QTMAN: variants seen among roughly 807,000 people sequenced by gnomAD.
QTMAN encodes the protein queuosine-tRNA mannosyltransferase.
chr2:144,022,550 C>A, the QTMAN span, among the ~76,000 whole-genome samples: 2 of 145,442 alleles, frequency 1.4e-5, no homozygotes, highest in Non-Finnish European at 3.0e-5. Context: ...CTATCTCTCT[C>A]TCTCTCTCTC....
the QTMAN span, chr2:143,938,133 G>C: frequency 0.012 from 1,818 of 152,292 alleles, 18 homozygotes; most frequent in Non-Finnish European, 0.02. Flanking sequence ...AAATACAAGG[G>C]GAAAAGCCAA....
At chr2:144,195,640 G>A in the QTMAN span, among the ~76,000 whole-genome samples, 1 of 152,162 alleles carries the variant, frequency 6.6e-6, no homozygotes, top group African/African-American at 2.4e-5. Context: ...GTATGTGTAC[G>A]TATGTGCATT....
At chr2:144,188,820 A>C in the QTMAN span, among the ~76,000 whole-genome samples, 1 of 152,212 alleles carries the variant, frequency 6.6e-6, no homozygotes, top group East Asian at 1.9e-4. Context: ...AATGAAAATT[A>C]CTAATATAAA....
chr2:144,322,685 T>C, the QTMAN span, among the ~76,000 whole-genome samples: 6 of 152,336 alleles, frequency 3.9e-5, no homozygotes, highest in African/African-American at 1.4e-4. Context: ...ATGTTCTTTT[T>C]TGATACTACA....
chr2:144,046,747 GTC>G, the QTMAN span, among the ~76,000 whole-genome samples: 1 of 152,078 alleles, frequency 6.6e-6, no homozygotes, highest in African/African-American at 2.4e-5. Flanking sequence ...TGTCATTGTT[GTC>G]TCTTTACATT....
the QTMAN span, among the ~76,000 whole-genome samples, chr2:144,018,989 G>C: frequency 6.6e-6 from 1 of 152,170 alleles, no homozygotes; most frequent in African/African-American, 2.4e-5. Context: ...TGTGCATAAA[G>C]CCCAGGGCAA....
chr2:144,133,225 ATATATTTATATT>A, the QTMAN span, among the ~76,000 whole-genome samples: 1 of 71,496 alleles, frequency 1.4e-5, no homozygotes, highest in Non-Finnish European at 2.4e-5. Flanking sequence ...ATATATAAAT[ATATATTTATATT>A]TATATATAAA....
At chr2:144,278,571 TG>T in the QTMAN span, among the ~76,000 whole-genome samples, 1 of 147,222 alleles carries the variant, frequency 6.8e-6, no homozygotes, top group African/African-American at 2.5e-5. Flanking sequence ...TGATGAGAAA[TG>T]GAAGAAGAGA....
chr2:144,096,869 G>A, the QTMAN span, among the ~76,000 whole-genome samples: 1 of 152,224 alleles, frequency 6.6e-6, no homozygotes, highest in Admixed American at 6.5e-5. Context: ...CCACAGCAGT[G>A]CACTGACTGA....
At chr2:144,237,506 G>A in the QTMAN span, among the ~76,000 whole-genome samples, 5 of 152,242 alleles carry the variant, frequency 3.3e-5, no homozygotes, top group African/African-American at 9.6e-5. Flanking sequence ...ACAGCGTTTC[G>A]TTATCTCTTT....
the QTMAN span, among the ~76,000 whole-genome samples, chr2:144,223,247 G>T: frequency 6.6e-6 from 1 of 151,352 alleles, no homozygotes; most frequent in Admixed American, 6.6e-5. Context: ...AAATAATTAA[G>T]AAGTTATTTC....
the QTMAN span, among the ~76,000 whole-genome samples, chr2:144,304,822 C>T: frequency 6.6e-6 from 1 of 152,208 alleles, no homozygotes; most frequent in Middle Eastern, 3.4e-3. Flanking sequence ...ATTTAAAATA[C>T]AAAGACGCAG....
chr2:144,243,037 T>A, the QTMAN span, among the ~76,000 whole-genome samples: 3 of 148,594 alleles, frequency 2.0e-5, no homozygotes, highest in South Asian at 6.3e-4. Context: ...ACCTCACAAA[T>A]GGAGTAACCC....
chr2:144,261,574 G>C, the QTMAN span, among the ~76,000 whole-genome samples: 1 of 152,176 alleles, frequency 6.6e-6, no homozygotes, highest in Admixed American at 6.5e-5. Context: ...CTGCAAAAAA[G>C]TGGTAAGCAT....
chr2:144,332,998 T>C, the QTMAN span, among the ~76,000 whole-genome samples: 1 of 152,168 alleles, frequency 6.6e-6, no homozygotes, highest in Non-Finnish European at 1.5e-5. Flanking sequence ...TACTAGAGCC[T>C]CAGGGCCCCT....
chr2:144,002,736 T>A, the QTMAN span, among the ~76,000 whole-genome samples: 1 of 151,924 alleles, frequency 6.6e-6, no homozygotes, highest in East Asian at 1.9e-4. Context: ...CATGAAGAAA[T>A]CATTTATGTG....
At chr2:144,258,168 G>A in the QTMAN span, among the ~76,000 whole-genome samples, 1 of 146,722 alleles carries the variant, frequency 6.8e-6, no homozygotes, top group African/African-American at 2.5e-5. Context: ...ATATATAAGA[G>A]ATAAGTATAG....
chr2:144,329,975 T>C, the QTMAN span, among the ~76,000 whole-genome samples: 1 of 152,170 alleles, frequency 6.6e-6, no homozygotes, highest in Admixed American at 6.5e-5. Flanking sequence ...GGCCAACAAG[T>C]ATTTACTAAA....
chr2:144,051,476 T>C, the QTMAN span, among the ~76,000 whole-genome samples: 37 of 152,274 alleles, frequency 2.4e-4, no homozygotes, highest in South Asian at 4.1e-3. Context: ...ACGATGATCA[T>C]GCTACTAAAC....
Sources: allele counts gnomAD v4.1 joint callset (sites outside exome capture counted in the v4.1 genomes callset), GRCh38; gene constraint gnomAD v4.1.1; transcripts MANE v1.5; gene names NCBI Gene and HGNC (gene_info 2026-07-23, HGNC 2026-07-21).